GPRC5A: variants seen among roughly 807,000 people sequenced by gnomAD.
GPRC5A encodes G protein-coupled receptor class C group 5 member A.
Under a neutral mutation model 22.5 loss-of-function variants are expected in GPRC5A, and 19 were observed. The ratio of observed to expected loss-of-function variants is 0.85; its 90% CI spans 0.59 to 1.24. GPRC5A has a LOEUF of 1.24. Ranked by LOEUF, GPRC5A falls within the 50% of genes most tolerant of loss-of-function variation. The pLI, the probability that GPRC5A is intolerant of heterozygous loss-of-function variation, is 0.00. For missense variants in GPRC5A, 471 were observed against 451.1 expected (o/e 1.04, Z -0.40); for synonymous variants, 192 against 184.5 (o/e 1.04, Z -0.33).
chr12:12,898,089 C>A (rs756096278), intron 1 of GPRC5A, among the ~76,000 whole-genome samples: 6 of 152,192 alleles, frequency 3.9e-5, no homozygotes, highest in Admixed American at 1.3e-4. Context: ...AACCCATATG[C>A]CCACGGTGCA....
In GPRC5A at chr12:12,908,876, TG is replaced by T; in HGVS notation, c.631del (p.Ala211ProfsTer79). On this transcript the variant is annotated frameshift_variant, in exon 2 of 4. Coordinates refer to ENST00000014914, the MANE Select transcript of GPRC5A (RefSeq NM_003979.4). LOFTEE classifies it high-confidence loss of function. ...CGSFTGWKRH[G>X]AHIYLTMLLS... The stretch of plus-strand genomic sequence containing the variant: ...GTTCCTTCACGGGCTGGAAGAGACA[TG>T]GGGCCCACATCTACCTCACGATGCT... 1 of 1,614,144 alleles carries T rather than the reference TG, an allele frequency of 6.2e-7. No individual in the cohort carries two copies. The highest frequency in any genetic ancestry group is 8.5e-7 in the Non-Finnish European group (1 of 1,180,008).
intron 1 of GPRC5A, 164 bp downstream of exon 1, chr12:12,891,828 T>C (rs927936755): frequency 6.9e-6 from 1 of 144,034 alleles, no homozygotes; most frequent in East Asian, 2.0e-4. Flanking sequence ...TCCTCTAGTT[T>C]AACAACTCAG....
chr12:12,899,450 T>C (rs1356461067), intron 1 of GPRC5A, among the ~76,000 whole-genome samples: 1 of 152,086 alleles, frequency 6.6e-6, no homozygotes, highest in African/African-American at 2.4e-5. Context: ...TGACAGTGAT[T>C]TAGAGGTGAA....
chr12:12,904,097 G>T (rs1243835545), intron 1 of GPRC5A, among the ~76,000 whole-genome samples: 1 of 152,118 alleles, frequency 6.6e-6, no homozygotes, highest in East Asian at 1.9e-4. Context: ...ATCTGCCGGG[G>T]TGTGGAGAGA....
At position 12,915,529 on chromosome 12, in the gene GPRC5A, C is replaced by G. The variant is rs1432518972; in HGVS notation, c.*2990C>G. On this transcript the variant is annotated 3_prime_UTR_variant, in exon 4 of 4. Coordinates refer to ENST00000014914, the MANE Select transcript of GPRC5A (RefSeq NM_003979.4). ...TTTTAGTGAAAAGGATCTGTGGGAG[C>G]TTTTATTCCCATGGCTGCCTTCCTC... The G allele has an allele frequency of 5.1e-5, 8 of 157,472 alleles. No homozygotes were observed. In the Admixed American group the frequency reaches 5.2e-4, roughly 10 times the overall value. 9.8% of individuals were successfully genotyped at this position (157,472 alleles called of 1,614,324 possible). A position where few individuals can be genotyped will look rare whatever the true frequency, so the allele number is the denominator to read the frequency against.
chr12:12,909,492 A>G, intron 2 of GPRC5A: 1 of 236,900 alleles, frequency 4.2e-6, no homozygotes, highest in Non-Finnish European at 8.2e-6. Flanking sequence ...TCAAAATAAG[A>G]TGCAGCAAAG....
At chr12:12,898,294 A>T (rs1284224145) in intron 1 of GPRC5A, among the ~76,000 whole-genome samples, 3 of 152,178 alleles carry the variant, frequency 2.0e-5, no homozygotes, top group Non-Finnish European at 4.4e-5. Context: ...GTACTTTGGG[A>T]GGCCGAGGCG....
intron 2 of GPRC5A, among the ~76,000 whole-genome samples, chr12:12,910,901 C>T (rs1378214678): frequency 5.5e-5 from 8 of 145,584 alleles, no homozygotes; most frequent in Non-Finnish European, 6.0e-5. Context: ...GACAGAGTCT[C>T]GCTCTGTCAC....
chr12:12,901,626 C>T (rs1406161881), intron 1 of GPRC5A, among the ~76,000 whole-genome samples: 4 of 152,014 alleles, frequency 2.6e-5, no homozygotes, highest in African/African-American at 9.7e-5. Flanking sequence ...ACTCAGTCTC[C>T]GCCTGCACAG....
Position 12,912,532 on chromosome 12 carries a change from G to A in GPRC5A, c.1067G>A (p.Gly356Asp), listed in dbSNP as rs138254053. Reference sequence around the variant, plus strand: ...AAAGACTATGAAGTAAAGAAAGAGGGCAGCTAACTCTGTCCTGAAGAGTGG... The same window carrying A: ...AAAGACTATGAAGTAAAGAAAGAGGACAGCTAACTCTGTCCTGAAGAGTGG... ...PYKDYEVKKE[G>D]S Residue 356 changes from glycine to aspartate, a missense_variant, in exon 4 of 4, where the codon GGC (glycine) becomes GAC (aspartate). By Grantham distance (94) the Gly-to-Asp change is moderately conservative. Coordinates refer to ENST00000014914, the MANE Select transcript of GPRC5A (RefSeq NM_003979.4). 3.0e-4 allele frequency: 476 copies of A among 1,589,406 alleles called. No homozygotes were observed. Among genetic ancestry groups the A allele is most frequent in the Non-Finnish European group, 3.9e-4 (456 of 1,157,500 alleles).
intron 1 of GPRC5A, among the ~76,000 whole-genome samples, chr12:12,901,647 T>G (rs774103090): frequency 2.0e-5 from 3 of 151,278 alleles, no homozygotes; most frequent in Non-Finnish European, 4.4e-5. Context: ...AGCCTTTGAG[T>G]CTAGAGGGAG....
Position 12,916,517 on chromosome 12 carries a change from G to A in GPRC5A, c.*3978G>A, listed in dbSNP as rs1864065714. The A allele has an allele frequency of 6.6e-6, 1 of 152,188 alleles. No homozygotes were observed. The highest frequency in any genetic ancestry group is 1.5e-5 in the Non-Finnish European group (1 of 68,058). 9.4% of individuals were successfully genotyped at this position (152,188 alleles called of 1,614,324 possible). A position where few individuals can be genotyped will look rare whatever the true frequency, so the allele number is the denominator to read the frequency against. On this transcript the variant is annotated 3_prime_UTR_variant, in exon 4 of 4. Coordinates refer to ENST00000014914, the MANE Select transcript of GPRC5A (RefSeq NM_003979.4). ...CACCAAGCTGAGCTGCAGACACCCAGTAGGCGCGAGGCAAATGCGTCCCAT... is the reference window on the plus strand; with the variant it reads ...CACCAAGCTGAGCTGCAGACACCCAATAGGCGCGAGGCAAATGCGTCCCAT...
chr12:12,907,213 C>T (rs977748185), intron 1 of GPRC5A, among the ~76,000 whole-genome samples: 3 of 151,324 alleles, frequency 2.0e-5, no homozygotes, highest in South Asian at 4.2e-4. Flanking sequence ...ATGGGTAACA[C>T]GGTGAAACCC....
intron 2 of GPRC5A, 138 bp from the exon 3 acceptor site, chr12:12,911,945 TG>T: frequency 1.6e-6 from 1 of 638,714 alleles, no homozygotes; most frequent in Non-Finnish European, 2.8e-6. Context: ...ACCTAGTCTC[TG>T]TCCCTCCAAG....
chr12:12,903,483 C>T (rs940316921), intron 1 of GPRC5A, among the ~76,000 whole-genome samples: 1 of 152,124 alleles, frequency 6.6e-6, no homozygotes, highest in African/African-American at 2.4e-5. Flanking sequence ...ACAGTGGTCT[C>T]ACCATCTTGC....
chr12:12,900,315 G>A (rs58525939), intron 1 of GPRC5A, among the ~76,000 whole-genome samples: 2,354 of 152,308 alleles, frequency 0.015, 60 homozygotes, highest in African/African-American at 0.053. Flanking sequence ...TGGAAGTTTT[G>A]TACATGAAGC....
Position 12,912,710 on chromosome 12 carries a change from G to A in GPRC5A, c.*171G>A, listed in dbSNP as rs1478744439. On this transcript the variant is annotated 3_prime_UTR_variant, in exon 4 of 4. Coordinates refer to ENST00000014914, the MANE Select transcript of GPRC5A (RefSeq NM_003979.4). ...TTCTTCCATGCTGGGGCTGATGTGG[G>A]CTAGTAAGACTCCAGTTCTTAGAGG... 1.8e-6 allele frequency: 1 copy of A among 571,214 alleles called. No individual in the cohort carries two copies. Among genetic ancestry groups the A allele is most frequent in the East Asian group, 2.8e-5 (1 of 35,274 alleles). The allele number at this position is 571,214 out of a possible 1,614,324, so 35.4% of individuals were successfully genotyped here. A position where few individuals can be genotyped will look rare whatever the true frequency, so the allele number is the denominator to read the frequency against.
In GPRC5A at chr12:12,909,114, G is replaced by A. The variant is rs768305277; in HGVS notation, c.865G>A (p.Val289Met). ...VEDAFCKPQLVKKSYGVENRA... is the reference protein window; with the variant it reads ...VEDAFCKPQLMKKSYGVENRA... ...GGATGCTTTCTGTAAACCTCAACTC[G>A]TGAAGAAGAGCTATGGTGTGGAGAA... Residue 289 changes from valine (V) to methionine (M), a missense_variant, in exon 2 of 4, where the codon GTG becomes ATG. Transcript: ENST00000014914. 1.2e-5 allele frequency: 19 copies of A among 1,600,642 alleles called. No homozygotes were observed. The Admixed American group carries it at 1.5e-4, about 13-fold the overall frequency.
intron 2 of GPRC5A, among the ~76,000 whole-genome samples, chr12:12,911,717 T>A (rs1014054176): frequency 6.6e-6 from 1 of 152,172 alleles, no homozygotes; most frequent in Admixed American, 6.5e-5. Flanking sequence ...CTCGATCTCC[T>A]GACCTTGTGA....
Sources: gnomAD v4.1 joint callset for allele counts (sites outside exome capture counted in the v4.1 genomes callset) on GRCh38, gnomAD v4.1.1 for gene constraint, MANE v1.5 for transcripts, NCBI Gene and HGNC (gene_info 2026-07-23, HGNC 2026-07-21) for gene names.